Variants in SV2C observed in about 807,000 individuals in gnomAD.
SV2C encodes the protein synaptic vesicle glycoprotein 2C, also known as solute carrier family 22 member B3.
A neutral mutation model predicts 79.7 loss-of-function variants in SV2C; 49 were observed. The ratio of observed to expected loss-of-function variants is 0.61; its 90% confidence interval spans 0.49 to 0.78. The LOEUF (loss-of-function observed/expected upper bound fraction) is 0.78, where lower values mean the gene tolerates loss of function less well. SV2C is among the 30% of genes least tolerant of loss of function. The pLI, the probability that SV2C is intolerant of heterozygous loss-of-function variation, is 0.00. For missense variants in SV2C, 833 were observed against 912.9 expected (o/e 0.91, Z 1.13); for synonymous variants, 334 against 333.2 (o/e 1.00, Z -0.03).
At chr5:75,911,323 G>T in the SV2C span, 2,491 of 1,357,912 alleles carry the variant, frequency 1.8e-3, 17 homozygotes, top group South Asian at 0.012. Context: ...TTCATCATCT[G>T]CCACAGAAGT....
chr5:75,869,780 C>A, the SV2C span, among the ~76,000 whole-genome samples: 1 of 152,200 alleles, frequency 6.6e-6, no homozygotes, highest in East Asian at 1.9e-4. Flanking sequence ...TTGTGTCACA[C>A]CAGCCCAGGT....
At chr5:76,257,830 T>C (rs1437167994) in intron 4 of SV2C, among the ~76,000 whole-genome samples, 1 of 150,858 alleles carries the variant, frequency 6.6e-6, no homozygotes, top group Non-Finnish European at 1.5e-5. Context: ...ATATGTAGTA[T>C]GGATGGTGTG....
At chr5:76,111,062 G>A (rs1259737326) in intron 1 of SV2C, among the ~76,000 whole-genome samples, 1 of 152,200 alleles carries the variant, frequency 6.6e-6, no homozygotes, top group African/African-American at 2.4e-5. Context: ...GTATAAATGT[G>A]CAATGCAGAT....
chr5:76,054,737 A>G, the SV2C span, among the ~76,000 whole-genome samples: 1 of 152,234 alleles, frequency 6.6e-6, no homozygotes, highest in East Asian at 1.9e-4. Context: ...CATTTCTCTA[A>G]TGATCAATGA....
chr5:75,871,838 C>T, the SV2C span, among the ~76,000 whole-genome samples: 5 of 111,656 alleles, frequency 4.5e-5, no homozygotes, highest in Admixed American at 9.0e-5. Context: ...TATATATACA[C>T]ACACACACAC....
the SV2C span, among the ~76,000 whole-genome samples, chr5:75,902,605 T>C: frequency 3.9e-5 from 6 of 152,248 alleles, no homozygotes; most frequent in South Asian, 2.1e-4. Context: ...ATTTTGCCTC[T>C]GATAATTTCC....
chr5:76,226,222 G>A (rs1363879214), intron 4 of SV2C, among the ~76,000 whole-genome samples: 1 of 152,124 alleles, frequency 6.6e-6, no homozygotes, highest in Non-Finnish European at 1.5e-5. Flanking sequence ...GAAGGAAAAT[G>A]AGTTGGGAAG....
At chr5:76,335,867 G>C (rs1020682258), downstream of SV2C, among the ~76,000 whole-genome samples, 3 of 152,066 alleles carry the variant, frequency 2.0e-5, no homozygotes, top group Non-Finnish European at 2.9e-5. Context: ...ATCCTTTCTC[G>C]GCCTTTCCCC....
At position 76,326,652 on chromosome 5, in the gene SV2C, G is replaced by C. The variant is rs1749005950; in HGVS notation, c.*1105G>C. 1.3e-5 allele frequency: 2 copies of C among 152,270 alleles called. No homozygotes were observed. Among genetic ancestry groups the C allele is most frequent in the Non-Finnish European group, 2.9e-5 (2 of 68,130 alleles). The allele number at this position is 152,270 out of a possible 1,614,324, so 9.4% of individuals were successfully genotyped here. On this transcript the variant is annotated 3_prime_UTR_variant, in exon 13 of 13. Coordinates refer to ENST00000502798, the MANE Select transcript of SV2C (RefSeq NM_014979.4). ...TCAGCAAAGAGGGTTTGTCCCTCTA[G>C]CTTCCCCAGGGCTGGCCCACTGCTC... is the stretch of plus-strand genomic sequence containing the variant.
chr5:75,948,193 G>A, the SV2C span, among the ~76,000 whole-genome samples: 1 of 152,016 alleles, frequency 6.6e-6, no homozygotes, highest in African/African-American at 2.4e-5. Context: ...GCACATGTAA[G>A]TTAGGACTGC....
chr5:76,342,189 G>A (rs966591757), intron 12 of SV2C, among the ~76,000 whole-genome samples: 7 of 152,164 alleles, frequency 4.6e-5, no homozygotes, highest in Non-Finnish European at 7.4e-5. Context: ...CCTGCAGGCC[G>A]TGAGTACACA....
chr5:75,918,583 A>C, the SV2C span, among the ~76,000 whole-genome samples: 1 of 152,376 alleles, frequency 6.6e-6, no homozygotes, highest in South Asian at 2.1e-4. Context: ...TCTATGGCCC[A>C]TGCCGCTTGT....
intron 2 of SV2C, among the ~76,000 whole-genome samples, chr5:76,185,110 G>C (rs947679689): frequency 1.3e-5 from 2 of 152,238 alleles, no homozygotes; most frequent in African/African-American, 2.4e-5. Context: ...CAGTAGGTCA[G>C]TAGTTAAACC....
upstream of SV2C, chr5:76,082,397 C>T (rs1339987329): frequency 6.6e-6 from 1 of 152,198 alleles, no homozygotes; most frequent in African/African-American, 2.4e-5. Context: ...TTGGGGTCTC[C>T]TGCACGCCAA....
chr5:76,066,500 A>T, the SV2C span, among the ~76,000 whole-genome samples: 17 of 150,748 alleles, frequency 1.1e-4, no homozygotes, highest in Non-Finnish European at 1.5e-4. Flanking sequence ...GACATACCTA[A>T]TGTAAATGAT....
chr5:76,319,301 C>T (rs573297250), intron 12 of SV2C, among the ~76,000 whole-genome samples: 1 of 151,776 alleles, frequency 6.6e-6, no homozygotes, highest in Non-Finnish European at 1.5e-5. Context: ...AGCTTTTAGT[C>T]CCAGCTACCA....
chr5:76,176,844 G>A (rs1743545217), intron 2 of SV2C, among the ~76,000 whole-genome samples: 2 of 152,184 alleles, frequency 1.3e-5, no homozygotes. Context: ...AGGCCGGCAA[G>A]GTGGCTCACG....
chr5:75,891,459 G>C, the SV2C span, among the ~76,000 whole-genome samples: 1,012 of 152,164 alleles, frequency 6.7e-3, 3 homozygotes, highest in African/African-American at 9.8e-3. Context: ...CATCATTTTG[G>C]TTTATCCAAG....
intron 1 of SV2C, among the ~76,000 whole-genome samples, chr5:76,117,726 C>T (rs1748321712): frequency 6.6e-6 from 1 of 151,938 alleles, no homozygotes; most frequent in Non-Finnish European, 1.5e-5. Flanking sequence ...AAAAAAATCC[C>T]TTCCTCATAT....
Sources: gnomAD v4.1 joint callset for allele counts (sites outside exome capture counted in the v4.1 genomes callset) on GRCh38, gnomAD v4.1.1 for gene constraint, MANE v1.5 for transcripts, NCBI Gene and HGNC (gene_info 2026-07-23, HGNC 2026-07-21) for gene names.